Variants in GPX6 observed in about 807,000 individuals in gnomAD.
GPX6 encodes the protein glutathione peroxidase 6 (olfactory).
GPX6 carries 21 observed loss-of-function variants against 20.0 expected under a neutral mutation model. The ratio of observed to expected loss-of-function variants is 1.05; its 90% CI spans 0.74 to 1.51. The LOEUF is 1.51. GPX6 is among the 40% of genes most tolerant of loss of function. The pLI, the probability that GPX6 is intolerant of heterozygous loss-of-function variation, is 0.00. For missense variants in GPX6, 233 were observed against 254.7 expected (o/e 0.91, Z 0.58); for synonymous variants, 75 against 98.0 (o/e 0.77, Z 1.38).
At chr6:28,507,956 T>C (rs1216703225) in intron 2 of GPX6, among the ~76,000 whole-genome samples, 1 of 152,226 alleles carries the variant, frequency 6.6e-6, no homozygotes, top group Non-Finnish European at 1.5e-5. Flanking sequence ...TGTATGTTTG[T>C]GTATGTGTAT....
At chr6:28,515,283 C>T (rs959265276) in intron 1 of GPX6, among the ~76,000 whole-genome samples, 2 of 152,074 alleles carry the variant, frequency 1.3e-5, no homozygotes, top group East Asian at 1.9e-4. Flanking sequence ...AATCCATTTG[C>T]GACTTCATGC....
intron 2 of GPX6, among the ~76,000 whole-genome samples, chr6:28,507,651 G>A (rs1305385822): frequency 1.3e-5 from 2 of 152,188 alleles, no homozygotes; most frequent in Admixed American, 6.5e-5. Context: ...TGCAATCTCC[G>A]CCTCCCAGGT....
intron 2 of GPX6, among the ~76,000 whole-genome samples, chr6:28,508,200 G>A (rs12660763): frequency 0.1 from 15,882 of 152,206 alleles, 1,327 homozygotes; most frequent in East Asian, 0.42. Context: ...AAATTTAAGA[G>A]CAGCTTCACA....
At chr6:28,505,047 C>T (rs1458451252) in intron 4 of GPX6, among the ~76,000 whole-genome samples, 1 of 152,134 alleles carries the variant, frequency 6.6e-6, no homozygotes, top group Non-Finnish European at 1.5e-5. Flanking sequence ...TCAGTTGTAC[C>T]ACATAAAATT....
At position 28,505,823 on chromosome 6, in the gene GPX6, TC is replaced by T. The variant is rs754500254; in HGVS notation, c.360-22del. 2.5e-6 allele frequency: 4 copies of T among 1,582,586 alleles called. No individual in the cohort carries two copies. In the East Asian group the frequency reaches 6.7e-5, roughly 27 times the overall value. Reference sequence around the variant, plus strand: ...CATACCTGCAGTGAACCAAAGTTGTTCCCAGCAAGATACAAATTAAGACATG... The same window carrying T: ...CATACCTGCAGTGAACCAAAGTTGTTCCAGCAAGATACAAATTAAGACATG... On this transcript the variant is annotated intron_variant, in intron 3 of 4. Transcript: ENST00000361902.
In GPX6 at chr6:28,504,364, C is replaced by G; in HGVS notation, c.594G>C (p.Trp198Cys). 1 of 1,614,170 alleles carries G rather than the reference C, an allele frequency of 6.2e-7. No individual in the cohort carries two copies. The highest frequency in any genetic ancestry group is 8.5e-7 in the Non-Finnish European group (1 of 1,180,040). ...VGPDGVPVMH[W>C]FHQAPVSTVK... is the part of the protein sequence containing the mutation. ...CTGTGCTGACTGGAGCCTGGTGGAA[C>G]CAATGCATGACAGGGACTCCATCGG... The change falls in exon 5 of 5, where the codon TGG becomes TGC. Residue 198 changes from tryptophan (W) to cysteine (C), a missense_variant. Coordinates refer to ENST00000361902, the MANE Select transcript of GPX6 (RefSeq NM_182701.1).
intron 1 of GPX6, among the ~76,000 whole-genome samples, chr6:28,512,565 A>G (rs529550573): frequency 1.3e-5 from 2 of 152,252 alleles, no homozygotes; most frequent in Admixed American, 1.3e-4. Context: ...TGTAAAATGG[A>G]CCAATCAGCA....
At chr6:28,506,578 G>GAA (rs5875160) in intron 2 of GPX6, 149 bp from the exon 3 acceptor site, 1,108 of 390,566 alleles carry the variant, frequency 2.8e-3, no homozygotes, top group Admixed American at 3.8e-3. Context: ...AAGGAGTAGA[G>GAA]AAAAAAAAAA....
At chr6:28,504,653 A>G (rs796574084) in intron 4 of GPX6, among the ~76,000 whole-genome samples, 155 bp from the exon 5 acceptor site, 3 of 152,202 alleles carry the variant, frequency 2.0e-5, no homozygotes, top group Non-Finnish European at 2.9e-5. Context: ...AACCACAGAC[A>G]CTGCAATGTA....
In GPX6 at chr6:28,504,380, A is replaced by C; in HGVS notation, c.578T>G (p.Val193Gly). The C allele has an allele frequency of 6.2e-7, 1 of 1,613,976 alleles. No individual in the cohort carries two copies. Among genetic ancestry groups the C allele is most frequent in the Non-Finnish European group, 8.5e-7 (1 of 1,180,006 alleles). ...FEKFLVGPDGVPVMHWFHQAP... is the reference protein window; with the variant it reads ...FEKFLVGPDGGPVMHWFHQAP... ...CTGGTGGAACCAATGCATGACAGGG[A>C]CTCCATCGGGCCCCACCAGAAATTT... Residue 193 changes from valine (V) to glycine (G), a missense_variant, in exon 5 of 5, where the codon GTC (valine) becomes GGC (glycine). By Grantham distance (109) the Val-to-Gly change is moderately radical (BLOSUM62 -3). Transcript: ENST00000361902.
intron 1 of GPX6, among the ~76,000 whole-genome samples, chr6:28,514,373 C>T (rs1019725202): frequency 1.3e-5 from 2 of 152,136 alleles, no homozygotes; most frequent in African/African-American, 4.8e-5. Context: ...GACAGAATAC[C>T]CTAGAACACA....
At chr6:28,510,248 T>C (rs1404749588) in intron 2 of GPX6, among the ~76,000 whole-genome samples, 1 of 152,218 alleles carries the variant, frequency 6.6e-6, no homozygotes, top group Admixed American at 6.5e-5. Flanking sequence ...TGACTGCTGC[T>C]TCTTTACCAG....
chr6:28,510,624 G>T, intron 2 of GPX6, 127 bp downstream of exon 2: 1 of 811,772 alleles, frequency 1.2e-6, no homozygotes, highest in Non-Finnish European at 1.9e-6. Flanking sequence ...CAGCATTTAG[G>T]GAGGTAGAGT....
chr6:28,511,745 A>C (rs1762880272), intron 1 of GPX6, among the ~76,000 whole-genome samples: 1 of 152,246 alleles, frequency 6.6e-6, no homozygotes. Context: ...GGTCGCGCTT[A>C]AGAGGCCCTT....
chr6:28,506,208 A>T, intron 3 of GPX6, 104 bp downstream of exon 3: 1 of 757,560 alleles, frequency 1.3e-6, no homozygotes, highest in Admixed American at 1.8e-5. Flanking sequence ...CAACCCATGT[A>T]TCTATGGCCT....
chr6:28,509,416 C>G (rs1762838655), intron 2 of GPX6, among the ~76,000 whole-genome samples: 2 of 150,730 alleles, frequency 1.3e-5, no homozygotes. Context: ...TGCCTGTAAT[C>G]ACAGCTACTC....
At position 28,515,779 on chromosome 6, in the gene GPX6, ATTTCAGCCCCT is replaced by A. The variant is rs776509211; in HGVS notation, c.-47_-37del. Reference sequence around the variant, plus strand: ...TTTAGACGACTCTGAGGTCCCCAGGATTTCAGCCCCTTTTGAGCCCCTGGCAGGGACCAATT... The same window carrying A: ...TTTAGACGACTCTGAGGTCCCCAGGATTTGAGCCCCTGGCAGGGACCAATT... On this transcript the variant is annotated 5_prime_UTR_variant, in exon 1 of 5. Transcript: ENST00000361902. The A allele has an allele frequency of 2.6e-6, 4 of 1,565,254 alleles. No homozygotes were observed. The African/African-American group carries it at 5.5e-5, about 21-fold the overall frequency.
At chr6:28,513,017 G>A (rs188188525) in intron 1 of GPX6, among the ~76,000 whole-genome samples, 5 of 152,062 alleles carry the variant, frequency 3.3e-5, no homozygotes, top group Admixed American at 6.5e-5. Context: ...AGTCAGTGAG[G>A]CCAAAAACCC....
chr6:28,513,065 A>C (rs1434965823), intron 1 of GPX6, among the ~76,000 whole-genome samples: 1 of 152,220 alleles, frequency 6.6e-6, no homozygotes, highest in Non-Finnish European at 1.5e-5. Flanking sequence ...CTGGAAGGCC[A>C]TTGACAGCGG....
Sources: allele counts gnomAD v4.1 joint callset (sites outside exome capture counted in the v4.1 genomes callset), GRCh38; gene constraint gnomAD v4.1.1; transcripts MANE v1.5; gene names NCBI Gene and HGNC (gene_info 2026-07-23, HGNC 2026-07-21).